AAMDC: variants seen among roughly 807,000 people sequenced by gnomAD.
AAMDC encodes adipogenesis associated Mth938 domain containing.
Under a neutral mutation model 15.5 loss-of-function variants are expected in AAMDC, and 16 were observed. The observed-to-expected ratio is 1.03, with a 90% CI of 0.70 to 1.57. The LOEUF is 1.57. AAMDC is among the 40% of genes most tolerant of loss of function. The pLI is 0.00. For missense variants in AAMDC, 141 were observed against 144.9 expected, an observed-to-expected ratio of 0.97 and a Z score of 0.14; for synonymous variants, 51 against 51.6, an observed-to-expected ratio of 0.99 and a Z score of 0.05.
chr11:77,852,224 C>CAAAAAAAAAAAAAAAAAAA lies in AAMDC; in HGVS notation c.132+9613_132+9614insAAAAAAAAAAAAAAAAAAA, dbSNP rs545742213. 3.1e-3 allele frequency among the ~76,000 whole-genome samples: 103 copies of CAAAAAAAAAAAAAAAAAAA among 33,392 alleles called. 6 individuals are homozygous for CAAAAAAAAAAAAAAAAAAA. Among genetic ancestry groups the CAAAAAAAAAAAAAAAAAAA allele is most frequent in the East Asian group, 3.8e-3 (4 of 1,050 alleles). 21.9% of individuals were successfully genotyped at this position (33,392 alleles called of 152,430 possible). ...TGGCCAACAGAATGAGACACTGTCT[C>CAAAAAAAAAAAAAAAAAAA]AAAAAAAAAAAAAAAAAGAAGAAGA... On this transcript the variant is annotated intron_variant, in intron 2 of 3. Coordinates refer to ENST00000393427, the MANE Select transcript of AAMDC (RefSeq NM_024684.4).
At chr11:77,825,936 C>T (rs554620621) in intron 1 of AAMDC, among the ~76,000 whole-genome samples, 2 of 152,236 alleles carry the variant, frequency 1.3e-5, no homozygotes, top group South Asian at 4.1e-4. Flanking sequence ...AGATGATCTG[C>T]TCACCTCGGC....
intron 2 of AAMDC, 91 bp downstream of exon 2, chr11:77,842,719 C>T: frequency 1.3e-6 from 2 of 1,532,270 alleles, no homozygotes; most frequent in East Asian, 2.3e-5. Context: ...AAAACTATTT[C>T]TCTTGTGTCT....
intron 5 of AAMDC, among the ~76,000 whole-genome samples, chr11:77,893,397 G>C (rs1458743453): frequency 6.6e-6 from 1 of 152,140 alleles, no homozygotes; most frequent in Non-Finnish European, 1.5e-5. Flanking sequence ...CTTGAAGCCA[G>C]AAGTTTGAGA....
intron 5 of AAMDC, among the ~76,000 whole-genome samples, chr11:77,890,065 G>A (rs1952197180): frequency 1.3e-5 from 2 of 152,098 alleles, no homozygotes; most frequent in Admixed American, 1.3e-4. Flanking sequence ...ATTAATGTAG[G>A]CTGACACCTA....
intron 2 of AAMDC, among the ~76,000 whole-genome samples, chr11:77,849,813 G>A (rs569111257): frequency 6.6e-6 from 1 of 152,210 alleles, no homozygotes; most frequent in East Asian, 1.9e-4. Flanking sequence ...TGTATCTGAT[G>A]AAATCTTATA....
rs191968488 is a variant in AAMDC, at chr11:77,822,960, A to G, written c.-19+1719A>G. Among the ~76,000 whole-genome samples the G allele has an allele frequency of 2.9e-3, 443 of 152,344 alleles. 1 individual carries two copies. Among genetic ancestry groups the G allele is most frequent in the African/African-American group, 0.01 (424 of 41,582 alleles). On this transcript the variant is annotated intron_variant, in intron 1 of 3. Transcript: ENST00000393427. The stretch of plus-strand genomic sequence containing the variant: ...GCCGGGCGCTGTGGCTCACGCCTGT[A>G]ATCCCAGCACTTTGGGAGGTCGAGA...
At chr11:77,824,497 C>T (rs1949078298) in intron 1 of AAMDC, among the ~76,000 whole-genome samples, 1 of 152,078 alleles carries the variant, frequency 6.6e-6, no homozygotes, top group African/African-American at 2.4e-5. Flanking sequence ...TCAAAAACAA[C>T]ACAAATATTC....
intron 5 of AAMDC, chr11:77,884,814 G>A: frequency 2.4e-6 from 1 of 409,408 alleles, no homozygotes; most frequent in Non-Finnish European, 5.0e-6. Context: ...GAGTGCAGTG[G>A]CACGATCATA....
chr11:77,883,745 T>A, intron 5 of AAMDC: 2 of 1,405,044 alleles, frequency 1.4e-6, no homozygotes, highest in Non-Finnish European at 1.9e-6. Flanking sequence ...CCATGTATTT[T>A]TTTCAAACTT....
intron 1 of AAMDC, among the ~76,000 whole-genome samples, chr11:77,821,918 C>T (rs1430100317): frequency 1.3e-5 from 2 of 151,966 alleles, no homozygotes; most frequent in African/African-American, 4.8e-5. Flanking sequence ...CTTTGAACTC[C>T]TTAGAGTGGG....
At chr11:77,863,429 A>G (rs949205017) in intron 2 of AAMDC, among the ~76,000 whole-genome samples, 7 of 152,200 alleles carry the variant, frequency 4.6e-5, no homozygotes, top group African/African-American at 1.7e-4. Flanking sequence ...GCAAGATTTA[A>G]GAGTGAAAAC....
At chr11:77,832,948 T>G (rs1949500910) in intron 1 of AAMDC, among the ~76,000 whole-genome samples, 1 of 82,656 alleles carries the variant, frequency 1.2e-5, no homozygotes, top group Non-Finnish European at 2.3e-5. Flanking sequence ...ATTGTATATA[T>G]ATATGTGTGT....
chr11:77,894,251 C>A, intron 5 of AAMDC: 1 of 1,132,666 alleles, frequency 8.8e-7, no homozygotes, highest in Non-Finnish European at 1.3e-6. Context: ...CTCCATGTAA[C>A]CAAGATTTAA....
In AAMDC at chr11:77,834,441, GTTTT is replaced by G. The variant is rs11438814; in HGVS notation, c.-18-8020_-18-8017del. Among the ~76,000 whole-genome samples the G allele has an allele frequency of 2.8e-5, 3 of 105,526 alleles. No homozygotes were observed. The East Asian group carries it at 8.7e-4, about 30-fold the overall frequency. The allele number at this position is 105,526 out of a possible 152,430, so 69.2% of individuals were successfully genotyped here. A position where few individuals can be genotyped will look rare whatever the true frequency, so the allele number is the denominator to read the frequency against. On this transcript the variant is annotated intron_variant, in intron 1 of 3. Coordinates refer to ENST00000393427, the MANE Select transcript of AAMDC (RefSeq NM_024684.4). ...GAATTTCATGGAGAAAGTTGATTTT[GTTTT>G]TTTTTTTTTTTTTTTTTGAGACAGA...
At chr11:77,891,498 C>G in intron 5 of AAMDC, 1 of 1,610,580 alleles carries the variant, frequency 6.2e-7, no homozygotes, top group Non-Finnish European at 8.5e-7. Context: ...ATTTTAAAGC[C>G]AGGTCATTCC....
chr11:77,897,186 G>A (rs1190992540), intron 5 of AAMDC, among the ~76,000 whole-genome samples: 1 of 151,734 alleles, frequency 6.6e-6, no homozygotes, highest in Non-Finnish European at 1.5e-5. Flanking sequence ...GAACAGTGGT[G>A]GCAAAGTTGG....
chr11:77,873,161 C>G (rs554357154), downstream of AAMDC, among the ~76,000 whole-genome samples: 66 of 152,208 alleles, frequency 4.3e-4, 1 homozygote, highest in Admixed American at 1.0e-3. Context: ...GTCAAATAGC[C>G]TTGACTTTGA....
intron 2 of AAMDC, among the ~76,000 whole-genome samples, chr11:77,845,387 A>G (rs928994897): frequency 2.6e-5 from 4 of 150,966 alleles, no homozygotes; most frequent in African/African-American, 9.7e-5. Context: ...TGACATTTTT[A>G]TTTCCATCAT....
chr11:77,891,106 G>A (rs1367744786), intron 5 of AAMDC, among the ~76,000 whole-genome samples: 2 of 152,138 alleles, frequency 1.3e-5, no homozygotes, highest in African/African-American at 4.8e-5. Flanking sequence ...CTATTTGTCA[G>A]TTGTAGAATC....
Sources: allele counts gnomAD v4.1 joint callset (sites outside exome capture counted in the v4.1 genomes callset), GRCh38; gene constraint gnomAD v4.1.1; transcripts MANE v1.5; gene names NCBI Gene and HGNC (gene_info 2026-07-23, HGNC 2026-07-21).